The following GNAQ variants were observed in gnomAD, a reference collection of about 807,000 sequenced individuals.
GNAQ encodes guanine nucleotide-binding protein G(q) subunit alpha.
In GNAQ, 8 loss-of-function variants were observed where a neutral mutation model predicts 43.9. That is an observed-to-expected ratio of 0.18 (90% CI 0.11 to 0.33). The LOEUF (loss-of-function observed/expected upper bound fraction) is 0.33, where lower values mean the gene tolerates loss of function less well. Ranked by LOEUF, GNAQ falls within the 10% of genes least tolerant of loss-of-function variation. The pLI, the probability that GNAQ is intolerant of heterozygous loss-of-function variation, is 1.00. For missense variants in GNAQ, 158 were observed against 450.8 expected (o/e 0.35, Z 5.88); for synonymous variants, 155 against 170.7 (o/e 0.91, Z 0.71).
At chr9:77,888,082 A>G (rs1828340989) in intron 2 of GNAQ, among the ~76,000 whole-genome samples, 1 of 152,204 alleles carries the variant, frequency 6.6e-6, no homozygotes, top group African/African-American at 2.4e-5. Context: ...TGACTGCACA[A>G]TGCAGTTTCA....
chr9:77,857,111 C>A (rs1354486111), intron 2 of GNAQ, among the ~76,000 whole-genome samples: 1 of 152,192 alleles, frequency 6.6e-6, no homozygotes, highest in African/African-American at 2.4e-5. Context: ...GCAAGACATG[C>A]TAGGCAAGGC....
At chr9:77,747,087 C>G (rs1289221834) in intron 5 of GNAQ, among the ~76,000 whole-genome samples, 1 of 151,806 alleles carries the variant, frequency 6.6e-6, no homozygotes, top group Admixed American at 6.6e-5. Flanking sequence ...TGGTAGTTAC[C>G]CAAATTTTAA....
chr9:77,862,551 A>C (rs1827871855), intron 2 of GNAQ, among the ~76,000 whole-genome samples: 1 of 152,170 alleles, frequency 6.6e-6, no homozygotes, highest in African/African-American at 2.4e-5. Flanking sequence ...CAGGGCACCA[A>C]GTTCCTAGGG....
chr9:77,966,971 T>C (rs958460328), intron 1 of GNAQ, among the ~76,000 whole-genome samples: 2 of 152,176 alleles, frequency 1.3e-5, no homozygotes, highest in African/African-American at 4.8e-5. Flanking sequence ...GGGCAGTCCG[T>C]CAGCGGCCGC....
chr9:77,974,402 A>T (rs914970122), intron 1 of GNAQ, among the ~76,000 whole-genome samples: 1 of 152,222 alleles, frequency 6.6e-6, no homozygotes, highest in African/African-American at 2.4e-5. Flanking sequence ...TGTCTTTAAA[A>T]TTTTAATATA....
chr9:77,912,642 C>T (rs920053933), intron 2 of GNAQ, among the ~76,000 whole-genome samples: 1 of 152,068 alleles, frequency 6.6e-6, no homozygotes, highest in South Asian at 2.1e-4. Context: ...ATTTACTCAA[C>T]AAAGATGTAT....
chr9:77,963,712 G>A (rs534488324), intron 1 of GNAQ, among the ~76,000 whole-genome samples: 3 of 152,220 alleles, frequency 2.0e-5, no homozygotes, highest in South Asian at 2.1e-4. Context: ...TATGAGAGTG[G>A]TTTGAGAAAG....
rs189594154 is a variant in GNAQ at position 77,967,759 on chromosome 9, C to A, written c.137-45414G>T. Among the ~76,000 whole-genome samples the A allele has an allele frequency of 1.3e-3, 201 of 152,260 alleles. 2 individuals are homozygous for A. Among genetic ancestry groups the A allele is most frequent in the African/African-American group, 4.5e-3 (186 of 41,554 alleles). The stretch of plus-strand genomic sequence containing the variant: ...CTTTGGGAGGCTGAGGCGGATGGAT[C>A]ACCTGAGGTCAGCAGTTCGAAACCA... On this transcript the variant is annotated intron_variant, in intron 1 of 6. Coordinates refer to ENST00000286548, the MANE Select transcript of GNAQ (RefSeq NM_002072.5).
At position 78,004,614 on chromosome 9, in the gene GNAQ, C is replaced by T. The variant is rs569591962; in HGVS notation, c.136+26486G>A. On this transcript the variant is annotated intron_variant, in intron 1 of 6. Coordinates refer to ENST00000286548, the MANE Select transcript of GNAQ (RefSeq NM_002072.5). Reference sequence around the variant, plus strand: ...ATAATGCACCTTTATTGGCTGCCTTCCCTTAGCTATCTCACTTCTCCACTT... The same window carrying T: ...ATAATGCACCTTTATTGGCTGCCTTTCCTTAGCTATCTCACTTCTCCACTT... 2.0e-5 allele frequency among the ~76,000 whole-genome samples: 3 copies of T among 152,276 alleles called. No individual in the cohort carries two copies. The East Asian group carries it at 5.8e-4, about 30-fold the overall frequency.
intron 2 of GNAQ, among the ~76,000 whole-genome samples, chr9:77,857,389 G>C (rs1827772136): frequency 1.3e-5 from 2 of 152,006 alleles, no homozygotes; most frequent in South Asian, 4.2e-4. Context: ...CTAGATCTTT[G>C]TTTAACTTGC....
intron 1 of GNAQ, among the ~76,000 whole-genome samples, chr9:77,998,444 T>C (rs1564174462): frequency 6.6e-6 from 1 of 152,184 alleles, no homozygotes; most frequent in Non-Finnish European, 1.5e-5. Context: ...AAATCTATAC[T>C]CCAGTTCTTA....
chr9:78,027,774 G>T (rs1001143725), intron 1 of GNAQ, among the ~76,000 whole-genome samples: 50 of 150,242 alleles, frequency 3.3e-4, no homozygotes, highest in Non-Finnish European at 6.1e-4. Flanking sequence ...AAAAAGACTG[G>T]CCTAAACTTT....
At chr9:77,969,648 T>C (rs1299743592) in intron 1 of GNAQ, among the ~76,000 whole-genome samples, 2 of 152,200 alleles carry the variant, frequency 1.3e-5, no homozygotes. Context: ...CTTCAGTAGT[T>C]TGAAGAGCAC....
intron 1 of GNAQ, among the ~76,000 whole-genome samples, chr9:77,975,166 G>A (rs1156772381): frequency 1.3e-5 from 2 of 152,110 alleles, no homozygotes; most frequent in Non-Finnish European, 2.9e-5. Flanking sequence ...CTTTTTTGGT[G>A]ACCCAGGATT....
Position 78,029,621 on chromosome 9 carries a change from G to A in GNAQ, c.136+1479C>T, listed in dbSNP as rs2118626443. 1.3e-5 allele frequency among the ~76,000 whole-genome samples: 2 copies of A among 152,210 alleles called. 1 individual carries two copies. Among genetic ancestry groups the A allele is most frequent in the South Asian group, 4.1e-4 (2 of 4,828 alleles). On this transcript the variant is annotated intron_variant, in intron 1 of 6. Coordinates refer to ENST00000286548, the MANE Select transcript of GNAQ (RefSeq NM_002072.5). ...TTGAGTTTCAAAATGAAGACATAAA[G>A]AAAGCATGTCATGGGAATTAACTAT...
At chr9:77,958,980 A>G (rs1476425649) in intron 1 of GNAQ, among the ~76,000 whole-genome samples, 2 of 152,208 alleles carry the variant, frequency 1.3e-5, no homozygotes, top group Non-Finnish European at 2.9e-5. Context: ...ATTCATTGAA[A>G]AGGAGATAAA....
intron 1 of GNAQ, among the ~76,000 whole-genome samples, chr9:78,026,858 T>C (rs1216747171): frequency 6.6e-6 from 1 of 152,210 alleles, no homozygotes. Flanking sequence ...CTGCAATTCC[T>C]GAAATTCTGT....
intron 2 of GNAQ, among the ~76,000 whole-genome samples, chr9:77,883,811 T>C (rs1332542321): frequency 6.6e-6 from 1 of 152,184 alleles, no homozygotes; most frequent in Non-Finnish European, 1.5e-5. Flanking sequence ...CTTCCTCCAC[T>C]TACTCCAAAT....
chr9:77,861,568 A>C (rs1827851871), intron 2 of GNAQ, among the ~76,000 whole-genome samples: 2 of 152,188 alleles, frequency 1.3e-5, no homozygotes, highest in African/African-American at 4.8e-5. Flanking sequence ...GGGTAAACAC[A>C]GCCATTCCAA....
Sources: allele counts gnomAD v4.1 joint callset (sites outside exome capture counted in the v4.1 genomes callset), GRCh38; gene constraint gnomAD v4.1.1; transcripts MANE v1.5; gene names NCBI Gene and HGNC (gene_info 2026-07-23, HGNC 2026-07-21).